LRRC61: variants seen among roughly 807,000 people sequenced by gnomAD.
LRRC61 encodes leucine-rich repeat-containing protein 61.
A neutral mutation model predicts 15.1 loss-of-function variants in LRRC61; 9 were observed. The observed-to-expected ratio is 0.60, with a 90% CI of 0.36 to 1.04. The LOEUF (loss-of-function observed/expected upper bound fraction) is 1.04, where lower values mean the gene tolerates loss of function less well. Among genes scored for constraint, LRRC61 ranks in the 50% least tolerant of loss-of-function variants. The pLI, the probability that LRRC61 is intolerant of heterozygous loss-of-function variation, is 0.01. For missense variants in LRRC61, 344 were observed against 335.6 expected (o/e 1.03, Z -0.20); for synonymous variants, 173 against 158.6 (o/e 1.09, Z -0.68).
chr7:150,322,157 T>C (rs1797587094), upstream of LRRC61, among the ~76,000 whole-genome samples: 2 of 152,178 alleles, frequency 1.3e-5, no homozygotes, highest in African/African-American at 4.8e-5. Context: ...AGATGTTCTC[T>C]GGGTTAGGTG....
At chr7:150,331,486 A>AT (rs940335651) in intron 2 of LRRC61, 323 of 201,410 alleles carry the variant, frequency 1.6e-3, no homozygotes, top group East Asian at 2.5e-3. Context: ...AGATTGCCAT[A>AT]TTTTTTTTTC....
intron 2 of LRRC61, among the ~76,000 whole-genome samples, chr7:150,326,661 T>G (rs1797969473): frequency 1.4e-5 from 2 of 143,994 alleles, no homozygotes; most frequent in Admixed American, 7.1e-5. Context: ...CCAGCCTGGG[T>G]GACAGAGCAA....
Position 150,337,448 on chromosome 7 carries a change from C to T in LRRC61, c.587C>T (p.Ala196Val). ...AGTCCAGGCCCCAGAGCCACCGAGG[C>T]CCAGCCCTGGGTGGAGCCAGGCTAC... ...SSSPGPRATE[A>V]QPWVEPGYWE... Residue 196 changes from alanine to valine, a missense_variant, in exon 3 of 3, where the codon GCC (alanine) becomes GTC (valine). Physicochemically the swap from Ala to Val is moderately conservative, Grantham distance 64. Transcript: ENST00000359623. The T allele has an allele frequency of 6.2e-7, 1 of 1,604,362 alleles. No individual in the cohort carries two copies. The highest frequency in any genetic ancestry group is 8.5e-7 in the Non-Finnish European group (1 of 1,179,848).
the LRRC61 span, among the ~76,000 whole-genome samples, chr7:150,318,261 G>A: frequency 2.6e-5 from 4 of 152,128 alleles, no homozygotes; most frequent in Non-Finnish European, 5.9e-5. Flanking sequence ...TCTGCCAAAA[G>A]ACACGAGGGA....
chr7:150,325,275 C>T (rs776459753), intron 1 of LRRC61, among the ~76,000 whole-genome samples: 14 of 152,244 alleles, frequency 9.2e-5, no homozygotes, highest in Non-Finnish European at 1.8e-4. Context: ...CCCGCTTTCC[C>T]TTTTGCCTCC....
rs552200583 is a variant in LRRC61 at position 150,330,057 on chromosome 7, G to T, written c.-145+4047G>T. 6.8e-4 allele frequency: 172 copies of T among 251,680 alleles called. 2 individuals are homozygous for T. The highest frequency in any genetic ancestry group is 6.8e-3 in the South Asian group (103 of 15,200). 15.6% of individuals were successfully genotyped at this position (251,680 alleles called of 1,614,324 possible). A position where few individuals can be genotyped will look rare whatever the true frequency, so the allele number is the denominator to read the frequency against. ...GGGCTGTTCCCCCATCCCTTGTTTC[G>T]CCCACTGCCTCGACTCCCTGGTGAG... On this transcript the variant is annotated intron_variant, in intron 2 of 2. Coordinates refer to ENST00000359623, the MANE Select transcript of LRRC61 (RefSeq NM_001142928.2). The surrounding 1 kb of genome is among the most constrained non-coding windows in gnomAD (Gnocchi z 4.6).
intron 2 of LRRC61, among the ~76,000 whole-genome samples, chr7:150,329,546 C>T (rs1005605301): frequency 6.6e-6 from 1 of 152,192 alleles, no homozygotes; most frequent in Admixed American, 6.5e-5. Flanking sequence ...AGCACCCTGT[C>T]CCAAGAGTGG....
chr7:150,338,085 C>T lies in LRRC61; in HGVS notation c.*444C>T. On this transcript the variant is annotated 3_prime_UTR_variant, in exon 3 of 3. Transcript: ENST00000359623. ...CCTCTCCAGACTGCTCCTGCACTTA[C>T]CCCCTCCCCGCAGCACCTTCTCTGC... is the stretch of plus-strand genomic sequence containing the variant. 1 of 489,290 alleles carries T rather than the reference C, an allele frequency of 2.0e-6. No homozygotes were observed. The highest frequency in any genetic ancestry group is 2.0e-5 in the South Asian group (1 of 50,598). The allele number at this position is 489,290 out of a possible 1,614,324, so 30.3% of individuals were successfully genotyped here.
rs773701188 is a variant in LRRC61 at position 150,337,148 on chromosome 7, G to A, written c.287G>A (p.Cys96Tyr). ...ACGGGCCTGGAGCCACTGGCCACCT[G>A]TGAGAACTTGCAGAGTCTCAATGCC... ...RLTGLEPLAT[C>Y]ENLQSLNAAG... is the part of the protein sequence containing the mutation. Residue 96 changes from cysteine (C) to tyrosine (Y), a missense_variant, in exon 3 of 3, where the codon TGT becomes TAT. Physicochemically the swap from Cys to Tyr is radical, Grantham distance 194. Coordinates refer to ENST00000359623, the MANE Select transcript of LRRC61 (RefSeq NM_001142928.2). 6.2e-7 allele frequency: 1 copy of A among 1,611,274 alleles called. No individual in the cohort carries two copies.
At position 150,337,665 on chromosome 7, in the gene LRRC61, C is replaced by G; in HGVS notation, c.*24C>G. The G allele has an allele frequency of 6.6e-7, 1 of 1,516,780 alleles. No individual in the cohort carries two copies. Among genetic ancestry groups the G allele is most frequent in the Non-Finnish European group, 8.8e-7 (1 of 1,135,198 alleles). The allele number at this position is 1,516,780 out of a possible 1,614,324, so 94.0% of individuals were successfully genotyped here. On this transcript the variant is annotated 3_prime_UTR_variant, in exon 3 of 3. Coordinates refer to ENST00000359623, the MANE Select transcript of LRRC61 (RefSeq NM_001142928.2). ...GAACGTGGCCTATGGCCCAGGACAGCCTGGCAGGTGGCCTCGCTGCCCCCA... is the reference window on the plus strand; with the variant it reads ...GAACGTGGCCTATGGCCCAGGACAGGCTGGCAGGTGGCCTCGCTGCCCCCA...
chr7:150,336,784 G>T lies in LRRC61; in HGVS notation c.-78G>T. On this transcript the variant is annotated 5_prime_UTR_variant, in exon 3 of 3. Coordinates refer to ENST00000359623, the MANE Select transcript of LRRC61 (RefSeq NM_001142928.2). ...TGGCACTGGCCTGGGTAGAGCCAGG[G>T]CGAGCACCAGCTGACCCCCAGTGGA... The T allele has an allele frequency of 1.3e-6, 2 of 1,531,316 alleles. No individual in the cohort carries two copies. The highest frequency in any genetic ancestry group is 8.8e-7 in the Non-Finnish European group (1 of 1,140,224). 94.9% of individuals were successfully genotyped at this position (1,531,316 alleles called of 1,614,324 possible).
At chr7:150,331,915 C>T (rs1045310336) in intron 2 of LRRC61, 1 of 167,082 alleles carries the variant, frequency 6.0e-6, no homozygotes, top group Non-Finnish European at 1.5e-5. Flanking sequence ...TTCAGAGTGG[C>T]CGGAGAAACC....
chr7:150,326,169 G>A (rs60283368), intron 2 of LRRC61, among the ~76,000 whole-genome samples, 159 bp downstream of exon 2: 46,467 of 152,038 alleles, frequency 0.31, 7,574 homozygotes, highest in East Asian at 0.42. Flanking sequence ...CTAGGTTGTC[G>A]TCTCATCCTG....
chr7:150,330,639 C>T lies in LRRC61; in HGVS notation c.-145+4629C>T, dbSNP rs754866897. 3.1e-6 allele frequency: 3 copies of T among 962,286 alleles called. No individual in the cohort carries two copies. Among genetic ancestry groups the T allele is most frequent in the African/African-American group, 3.2e-5 (2 of 62,402 alleles). 59.6% of individuals were successfully genotyped at this position (962,286 alleles called of 1,614,324 possible). A position where few individuals can be genotyped will look rare whatever the true frequency, so the allele number is the denominator to read the frequency against. On this transcript the variant is annotated intron_variant, in intron 2 of 2. Coordinates refer to ENST00000359623, the MANE Select transcript of LRRC61 (RefSeq NM_001142928.2). This position sits in a 1 kb window ranked among gnomAD's most constrained non-coding sequence, Gnocchi z 4.6. Reference sequence around the variant, plus strand: ...GTTTGTGCTGGCCACCTTGCTGGACCCTTGCTTCAAGGGGAAGATTGAGGC... The same window carrying T: ...GTTTGTGCTGGCCACCTTGCTGGACTCTTGCTTCAAGGGGAAGATTGAGGC...
chr7:150,314,785 AAAC>A, the LRRC61 span, among the ~76,000 whole-genome samples: 60 of 149,036 alleles, frequency 4.0e-4, no homozygotes, highest in East Asian at 3.1e-3. Context: ...AAAAAAAAAA[AAAC>A]AACAACAACA....
chr7:150,329,508 C>T (rs924542353), intron 2 of LRRC61, among the ~76,000 whole-genome samples: 1 of 152,152 alleles, frequency 6.6e-6, no homozygotes, highest in African/African-American at 2.4e-5. Flanking sequence ...CTGCCTGTCT[C>T]CGCCACCCAT....
Position 150,330,492 on chromosome 7 carries a change from G to T in LRRC61, c.-145+4482G>T, listed in dbSNP as rs766689528. 2 of 780,236 alleles carry T rather than the reference G, an allele frequency of 2.6e-6. No individual in the cohort carries two copies. The highest frequency in any genetic ancestry group is 4.8e-6 in the Non-Finnish European group (2 of 418,118). 48.3% of individuals were successfully genotyped at this position (780,236 alleles called of 1,614,324 possible). A position where few individuals can be genotyped will look rare whatever the true frequency, so the allele number is the denominator to read the frequency against. On this transcript the variant is annotated intron_variant, in intron 2 of 2. Coordinates refer to ENST00000359623, the MANE Select transcript of LRRC61 (RefSeq NM_001142928.2). This position sits in a 1 kb window ranked among gnomAD's most constrained non-coding sequence, Gnocchi z 4.6. ...CTACCTGCACATCTTCCTGGAGCAG[G>T]TTCACACACACTTTCAGGAGCAGAG...
upstream of LRRC61, among the ~76,000 whole-genome samples, chr7:150,319,661 T>C (rs1797296532): frequency 6.6e-6 from 1 of 152,228 alleles, no homozygotes; most frequent in Non-Finnish European, 1.5e-5. Context: ...TTTGTATTTA[T>C]TTATTTATTG....
At chr7:150,322,258 G>C (rs756298379), upstream of LRRC61, among the ~76,000 whole-genome samples, 1 of 152,200 alleles carries the variant, frequency 6.6e-6, no homozygotes, top group Non-Finnish European at 1.5e-5. Context: ...AATAAGGGCT[G>C]GGTAAAATGA....
Sources: allele counts gnomAD v4.1 joint callset (sites outside exome capture counted in the v4.1 genomes callset), GRCh38; gene constraint gnomAD v4.1.1; non-coding constraint Gnocchi (gnomAD v3.1); transcripts MANE v1.5; gene names NCBI Gene and HGNC (gene_info 2026-07-23, HGNC 2026-07-21).